Variants in HEPHL1 observed in about 807,000 individuals in gnomAD.
HEPHL1 encodes the protein ferroxidase HEPHL1.
In HEPHL1, 123 loss-of-function variants were observed where a neutral mutation model predicts 122.0. The observed-to-expected ratio is 1.01, with a 90% confidence interval of 0.87 to 1.17. The LOEUF (loss-of-function observed/expected upper bound fraction) is 1.17, where lower values mean the gene tolerates loss of function less well. Among genes scored for constraint, HEPHL1 ranks in the 50% most tolerant of loss-of-function variants. HEPHL1 has a pLI of 0.00. For missense variants in HEPHL1, 1,452 were observed against 1,430.5 expected, an observed-to-expected ratio of 1.01 and a Z score of -0.24; for synonymous variants, 527 against 508.9, an observed-to-expected ratio of 1.04 and a Z score of -0.48.
chr11:94,029,163 G>A (rs1351956804), intron 1 of HEPHL1, among the ~76,000 whole-genome samples: 1 of 152,104 alleles, frequency 6.6e-6, no homozygotes, highest in African/African-American at 2.4e-5. Context: ...TATAGTTTTT[G>A]TTTTGTGTGA....
chr11:94,073,700 T>C (rs1400628066), intron 8 of HEPHL1, among the ~76,000 whole-genome samples: 3 of 152,128 alleles, frequency 2.0e-5, no homozygotes, highest in African/African-American at 4.8e-5. Flanking sequence ...TTTCTTTCTT[T>C]TTTTCTCAGC....
rs747392351 is a variant in HEPHL1 at position 94,104,698 on chromosome 11, T to TC, written c.2855dup (p.Arg953ThrfsTer4). On this transcript the variant is annotated frameshift_variant, in exon 16 of 20. Transcript: ENST00000315765. LOFTEE classifies it high-confidence loss of function. ...ATATTAAGAAGTATCTCAACAAAGATCCACGAGATTTTAAGCGCACTGATG... is the reference window on the plus strand; with the variant it reads ...ATATTAAGAAGTATCTCAACAAAGATCCCACGAGATTTTAAGCGCACTGATG... The TC allele has an allele frequency of 6.2e-7, 1 of 1,613,888 alleles. No individual in the cohort carries two copies. The highest frequency in any genetic ancestry group is 1.1e-5 in the South Asian group (1 of 91,066).
intron 12 of HEPHL1, 111 bp downstream of exon 12, chr11:94,089,079 C>G (rs1946243238): frequency 2.0e-6 from 2 of 978,328 alleles, no homozygotes; most frequent in Non-Finnish European, 3.2e-6. Flanking sequence ...ACAGTTCCGG[C>G]CGACAGAGAC....
At chr11:94,039,381 T>A (rs923422699) in intron 1 of HEPHL1, among the ~76,000 whole-genome samples, 1 of 152,150 alleles carries the variant, frequency 6.6e-6, no homozygotes, top group African/African-American at 2.4e-5. Context: ...CTAATTGACA[T>A]CTACAGAACT....
intron 1 of HEPHL1, among the ~76,000 whole-genome samples, chr11:94,032,761 AG>A (rs991994024): frequency 3.3e-5 from 5 of 152,286 alleles, no homozygotes; most frequent in Non-Finnish European, 5.9e-5. Flanking sequence ...GTCTCCCTAT[AG>A]ATAGAAAAAA....
chr11:94,106,064 G>C lies in HEPHL1; in HGVS notation c.2979G>C (p.Leu993Phe). ...AAGATACAATGACAAACTGGTATTT[G>C]TTAGGGATAGGAAGTGAAGTGGACA... is the stretch of plus-strand genomic sequence containing the variant. ...MNEDTMTNWY[L>F]LGIGSEVDIH... The change falls in exon 17 of 20, where the codon TTG becomes TTC. Residue 993 changes from leucine (L) to phenylalanine (F), a missense_variant. Coordinates refer to ENST00000315765, the MANE Select transcript of HEPHL1 (RefSeq NM_001098672.2). 1 of 1,600,770 alleles carries C rather than the reference G, an allele frequency of 6.2e-7. No individual in the cohort carries two copies. Among genetic ancestry groups the C allele is most frequent in the South Asian group, 1.1e-5 (1 of 88,606 alleles).
intron 1 of HEPHL1, among the ~76,000 whole-genome samples, chr11:94,032,921 G>A (rs956657795): frequency 1.3e-5 from 2 of 152,108 alleles, no homozygotes; most frequent in East Asian, 1.9e-4. Flanking sequence ...AATGCCTCAC[G>A]TGAGCATGCG....
At chr11:94,100,038 A>G (rs10831166) in intron 13 of HEPHL1, among the ~76,000 whole-genome samples, 78,394 of 151,858 alleles carry the variant, frequency 0.52, 20,681 homozygotes, top group Admixed American at 0.59. Flanking sequence ...CTGTCTGACA[A>G]GCCGCAGTGA....
chr11:94,056,715 C>T (rs1407649290), intron 2 of HEPHL1, among the ~76,000 whole-genome samples: 3 of 147,884 alleles, frequency 2.0e-5, no homozygotes. Flanking sequence ...CTATAATGCC[C>T]TTCTCTAAAT....
chr11:94,035,248 A>G (rs1945710912), intron 1 of HEPHL1, among the ~76,000 whole-genome samples: 1 of 152,194 alleles, frequency 6.6e-6, no homozygotes. Context: ...TTCTTTTCCT[A>G]CAATTCTTAG....
chr11:94,101,201 T>G lies in HEPHL1; in HGVS notation c.2441T>G (p.Met814Arg). 1 of 1,613,896 alleles carries G rather than the reference T, an allele frequency of 6.2e-7. No homozygotes were observed. Among genetic ancestry groups the G allele is most frequent in the South Asian group, 1.1e-5 (1 of 91,050 alleles). ...GCCTGTGTTTTGCCTTTAGGCCCAA[T>G]GATTCATGCTGAGGTGGGCAACACC... ...REEHLELLGP[M>R]IHAEVGNTVL... is the part of the protein sequence containing the mutation. The change falls in exon 14 of 20, where the codon ATG becomes AGG. Residue 814 changes from methionine to arginine, a missense_variant. Met to Arg is a moderately conservative substitution (Grantham distance 91). Transcript: ENST00000315765.
chr11:94,046,470 C>A (rs1481174618), intron 2 of HEPHL1, among the ~76,000 whole-genome samples: 1 of 149,644 alleles, frequency 6.7e-6, no homozygotes. Flanking sequence ...TGACACAGAA[C>A]TCCTCAGTAC....
chr11:94,096,576 T>A (rs1439192741), intron 13 of HEPHL1, among the ~76,000 whole-genome samples: 1 of 152,226 alleles, frequency 6.6e-6, no homozygotes, highest in Non-Finnish European at 1.5e-5. Flanking sequence ...TTGATTGGAA[T>A]AGTTTCAGAA....
chr11:94,111,146 C>T (rs1281221584), intron 18 of HEPHL1, 81 bp downstream of exon 18: 6 of 1,142,602 alleles, frequency 5.3e-6, no homozygotes, highest in Non-Finnish European at 6.2e-6. Flanking sequence ...GACAAAAACC[C>T]AGATATAGCC....
At chr11:94,050,667 A>G (rs1472038146) in intron 2 of HEPHL1, among the ~76,000 whole-genome samples, 1 of 152,162 alleles carries the variant, frequency 6.6e-6, no homozygotes, top group Non-Finnish European at 1.5e-5. Context: ...GTTTCAGACA[A>G]TCCAATTATA....
At chr11:94,064,302 C>A in intron 3 of HEPHL1, 29 bp from the exon 4 acceptor site, 4 of 1,559,096 alleles carry the variant, frequency 2.6e-6, no homozygotes, top group Non-Finnish European at 3.5e-6. Flanking sequence ...TTAGTTCTTT[C>A]TCTCTACTCT....
In HEPHL1 at chr11:94,059,547, G is replaced by A. The variant is rs576567907; in HGVS notation, c.416-3961G>A. Among the ~76,000 whole-genome samples, 25 of 152,172 alleles carry A rather than the reference G, an allele frequency of 1.6e-4. No homozygotes were observed. In the East Asian group the frequency reaches 4.8e-3, roughly 29 times the overall value. On this transcript the variant is annotated intron_variant, in intron 2 of 19. Coordinates refer to ENST00000315765, the MANE Select transcript of HEPHL1 (RefSeq NM_001098672.2). ...TAAAAAAATTGTGTAAGTTTTAAAA[G>A]CTCACACAGCCTAGAACATATATAA...
chr11:94,078,873 T>C (rs2949861), intron 9 of HEPHL1, among the ~76,000 whole-genome samples: 85,184 of 151,810 alleles, frequency 0.56, 24,085 homozygotes, highest in Admixed American at 0.62. Context: ...TTCAGAAACA[T>C]CCAGGATAAT....
chr11:94,022,921 T>C (rs1945593744), intron 1 of HEPHL1, among the ~76,000 whole-genome samples: 1 of 152,216 alleles, frequency 6.6e-6, no homozygotes, highest in Non-Finnish European at 1.5e-5. Flanking sequence ...GTAATGAATA[T>C]AGCGTTTAAG....
Sources: gnomAD v4.1 joint callset for allele counts (sites outside exome capture counted in the v4.1 genomes callset) on GRCh38, gnomAD v4.1.1 for gene constraint, MANE v1.5 for transcripts, NCBI Gene and HGNC (gene_info 2026-07-23, HGNC 2026-07-21) for gene names.